Variants in ISL1 observed in about 807,000 individuals in gnomAD.
ISL1 encodes ISL LIM homeobox 1.
A neutral mutation model predicts 35.3 loss-of-function variants in ISL1; 4 were observed. The ratio of observed to expected loss-of-function variants is 0.11; its 90% CI spans 0.06 to 0.26. ISL1 has a LOEUF of 0.26. ISL1 is among the 10% of genes least tolerant of loss of function. ISL1 has a pLI of 1.00. For missense variants in ISL1, 340 were observed against 472.8 expected (o/e 0.72, Z 2.60); for synonymous variants, 186 against 172.3 (o/e 1.08, Z -0.62).
chr5:51,387,865 T>C lies in ISL1; in HGVS notation c.478+116T>C. 1 of 1,350,110 alleles carries C rather than the reference T, an allele frequency of 7.4e-7. No individual in the cohort carries two copies. Among genetic ancestry groups the C allele is most frequent in the African/African-American group, 1.4e-5 (1 of 69,642 alleles). 83.6% of individuals were successfully genotyped at this position (1,350,110 alleles called of 1,614,324 possible). On this transcript the variant is annotated intron_variant, in intron 3 of 5. Coordinates refer to ENST00000230658, the MANE Select transcript of ISL1 (RefSeq NM_002202.3). This position sits in a 1 kb window ranked among gnomAD's most constrained non-coding sequence, Gnocchi z 4.3. ...GTCGTAGTGTTTGCCTGCAGTTAAA[T>C]GAAGTGTTCTGTATGCAATTTGCGC...
At chr5:51,386,402 G>C in intron 2 of ISL1, 1 of 366,110 alleles carries the variant, frequency 2.7e-6, no homozygotes, top group South Asian at 2.1e-5. Flanking sequence ...GTGTGTGTGT[G>C]TGTGTGTGTG....
chr5:51,390,040 C>G, intron 4 of ISL1, 108 bp downstream of exon 4: 3 of 1,332,794 alleles, frequency 2.3e-6, no homozygotes, highest in Non-Finnish European at 3.1e-6. Context: ...TGCTCCTGGG[C>G]AGGAGTTTGG....
rs1449638070 is a variant in ISL1, at chr5:51,391,373, C to T, written c.865C>T (p.Pro289Ser). The change falls in exon 5 of 6, where the codon CCA becomes TCA. Residue 289 changes from proline to serine, a missense_variant. Pro to Ser is a moderately conservative substitution (Grantham distance 74). Around this residue, in one of 7 missense-constraint regions of ISL1, gnomAD observed 104 missense variants for 97.3 expected, o/e 1.07. Transcript: ENST00000230658. ...ANPVEVQSYQPPWKVLSDFAL... is the reference protein window; with the variant it reads ...ANPVEVQSYQSPWKVLSDFAL... ...CCCAGTGGAAGTACAAAGTTACCAG[C>T]CACCTTGGAAAGTACTGAGCGACTT... 9 of 1,614,076 alleles carry T rather than the reference C, an allele frequency of 5.6e-6. No individual in the cohort carries two copies. The highest frequency in any genetic ancestry group is 2.7e-5 in the African/African-American group (2 of 74,926).
chr5:51,384,018 C>T (rs1747277293), intron 1 of ISL1, among the ~76,000 whole-genome samples: 1 of 152,144 alleles, frequency 6.6e-6, no homozygotes, highest in Non-Finnish European at 1.5e-5. Flanking sequence ...TCTGCCTGCA[C>T]AGTCAATGCC....
At chr5:51,390,022 T>G (rs1747451898) in intron 4 of ISL1, 90 bp downstream of exon 4, 1 of 1,436,868 alleles carries the variant, frequency 7.0e-7, no homozygotes, top group Non-Finnish European at 9.5e-7. Context: ...TCGCACGGTT[T>G]TCAATCCTGC....
intron 5 of ISL1, among the ~76,000 whole-genome samples, chr5:51,392,386 C>T (rs1162407135): frequency 6.6e-6 from 1 of 152,048 alleles, no homozygotes; most frequent in African/African-American, 2.4e-5. Context: ...AACCTTGTTC[C>T]CTTTTTTGGA....
chr5:51,391,570 G>T (rs1747515981), intron 5 of ISL1, 129 bp downstream of exon 5: 1 of 1,029,574 alleles, frequency 9.7e-7, no homozygotes, highest in Admixed American at 1.9e-5. Context: ...AACCAAGGAG[G>T]TGGGTAATGA....
In ISL1 at chr5:51,391,349, C is replaced by T. The variant is rs1328570405; in HGVS notation, c.841C>T (p.Pro281Ser). The change falls in exon 5 of 6, where the codon CCA (proline) becomes TCA (serine). Residue 281 changes from proline to serine, a missense_variant. Transcript: ENST00000230658. ...ERHDGGLQAN[P>S]VEVQSYQPPW... The stretch of plus-strand genomic sequence containing the variant: ...ACACGACGGTGGCTTACAGGCTAAC[C>T]CAGTGGAAGTACAAAGTTACCAGCC... 1 of 1,614,072 alleles carries T rather than the reference C, an allele frequency of 6.2e-7. No homozygotes were observed. Among genetic ancestry groups the T allele is most frequent in the Non-Finnish European group, 8.5e-7 (1 of 1,180,022 alleles).
At chr5:51,390,090 C>T (rs1300972380) in intron 4 of ISL1, among the ~76,000 whole-genome samples, 158 bp downstream of exon 4, 1 of 152,048 alleles carries the variant, frequency 6.6e-6, no homozygotes, top group East Asian at 1.9e-4. Context: ...ACCCATGCCC[C>T]GGGGGACAGG....
Position 51,391,286 on chromosome 5 carries a change from A to T in ISL1, c.778A>T (p.Met260Leu), listed in dbSNP as rs371499581. The stretch of plus-strand genomic sequence containing the variant: ...GGCCTATTCACAGAATATCCAGGGG[A>T]TGACAGGAACTCCCATGGTGGCTGC... ...QPNDKTNIQG[M>L]TGTPMVAASP... The change falls in exon 5 of 6, where the codon ATG becomes TTG. Residue 260 changes from methionine to leucine, a missense_variant. Physicochemically the swap from Met to Leu is conservative, Grantham distance 15 (BLOSUM62 2). Transcript: ENST00000230658. 6.2e-7 allele frequency: 1 copy of T among 1,612,474 alleles called. No individual in the cohort carries two copies. The highest frequency in any genetic ancestry group is 1.3e-5 in the African/African-American group (1 of 74,860).
chr5:51,384,556 C>T lies in ISL1; in HGVS notation c.44C>T (p.Ser15Phe), dbSNP rs759969078. 1 of 1,613,946 alleles carries T rather than the reference C, an allele frequency of 6.2e-7. No homozygotes were observed. The highest frequency in any genetic ancestry group is 8.5e-7 in the Non-Finnish European group (1 of 1,179,998). Residue 15 changes from serine (S) to phenylalanine (F), a missense_variant, in exon 2 of 6, where the codon TCC becomes TTC. Ser to Phe is a radical substitution (Grantham distance 155). Transcript: ENST00000230658. ...TTCATTTCAGAAAAACGTCTGATTT[C>T]CCTATGTGTTGGTTGCGGCAATCAG... ...GDPPKKKRLI[S>F]LCVGCGNQIH...
At chr5:51,391,957 G>T (rs1747526206) in intron 5 of ISL1, among the ~76,000 whole-genome samples, 1 of 152,110 alleles carries the variant, frequency 6.6e-6, no homozygotes. Context: ...GCATGTGTCT[G>T]GGTACAATTT....
At position 51,383,495 on chromosome 5, in the gene ISL1, T is replaced by G; in HGVS notation, c.-177T>G. On this transcript the variant is annotated 5_prime_UTR_variant, in exon 1 of 6. Coordinates refer to ENST00000230658, the MANE Select transcript of ISL1 (RefSeq NM_002202.3). Reference sequence around the variant, plus strand: ...CTCCGCTCCGCCAACTCCGCCGGCTTAAATTGGACTCCTAGATCCGCGAGG... The same window carrying G: ...CTCCGCTCCGCCAACTCCGCCGGCTGAAATTGGACTCCTAGATCCGCGAGG... 1.5e-6 allele frequency: 1 copy of G among 658,544 alleles called. No individual in the cohort carries two copies. Among genetic ancestry groups the G allele is most frequent in the Non-Finnish European group, 2.7e-6 (1 of 364,070 alleles). The allele number at this position is 658,544 out of a possible 1,614,324, so 40.8% of individuals were successfully genotyped here.
rs954666408 is a variant in ISL1, at chr5:51,389,293, C to T, written c.479-353C>T. Among the ~76,000 whole-genome samples, 4 of 152,114 alleles carry T rather than the reference C, an allele frequency of 2.6e-5. No homozygotes were observed. The highest frequency in any genetic ancestry group is 9.7e-5 in the African/African-American group (4 of 41,414). ...GGAGAAACAGTGCTGAAAAATGCCA[C>T]CCCTGCTGTGAACAGGGGGACAGAC... is the stretch of plus-strand genomic sequence containing the variant. On this transcript the variant is annotated intron_variant, in intron 3 of 5. Transcript: ENST00000230658. This position sits in a 1 kb window ranked among gnomAD's most constrained non-coding sequence, Gnocchi z 5.0.
Position 51,387,757 on chromosome 5 carries a change from T to C in ISL1, c.478+8T>C, listed in dbSNP as rs1333897552. The C allele has an allele frequency of 6.2e-7, 1 of 1,613,834 alleles. No individual in the cohort carries two copies. The highest frequency in any genetic ancestry group is 2.2e-5 in the East Asian group (1 of 44,872). ...GGCCACTGCAAATGGCAGGTACTCC[T>C]CTGCCCGGCTCGGGTAGGCAGGCGC... On this transcript the variant is annotated splice_region_variant and intron_variant, in intron 3 of 5. Transcript: ENST00000230658. The surrounding 1 kb of genome is among the most constrained non-coding windows in gnomAD (Gnocchi z 4.3).
At chr5:51,390,938 C>T (rs1747499408) in intron 4 of ISL1, among the ~76,000 whole-genome samples, 3 of 151,706 alleles carry the variant, frequency 2.0e-5, no homozygotes, top group Admixed American at 2.0e-4. Flanking sequence ...CTGCTTACCT[C>T]AGCTTTTTAG....
intron 4 of ISL1, 81 bp downstream of exon 4, chr5:51,390,013 C>G: frequency 6.7e-7 from 1 of 1,499,246 alleles, no homozygotes; most frequent in South Asian, 1.2e-5. Flanking sequence ...TACGCAGGAT[C>G]GCACGGTTTT....
intron 3 of ISL1, among the ~76,000 whole-genome samples, chr5:51,388,144 C>T (rs977602687): frequency 6.6e-6 from 1 of 152,256 alleles, no homozygotes; most frequent in African/African-American, 2.4e-5. Context: ...CCCCGGGTCC[C>T]TGGAGCTTCA....
Position 51,387,713 on chromosome 5 carries a change from A to G in ISL1, c.442A>G (p.Ser148Gly), listed in dbSNP as rs1214263371. The G allele has an allele frequency of 1.4e-5, 23 of 1,614,070 alleles. No homozygotes were observed. The highest frequency in any genetic ancestry group is 1.9e-5 in the Non-Finnish European group (22 of 1,180,044). ...RASLGAGDPL[S>G]PLHPARPLQM... The stretch of plus-strand genomic sequence containing the variant: ...CAGTCTAGGCGCTGGCGACCCGCTC[A>G]GTCCCCTGCATCCAGCGCGGCCACT... Residue 148 changes from serine (S) to glycine (G), a missense_variant, in exon 3 of 6, where the codon AGT becomes GGT. By Grantham distance (56) the Ser-to-Gly change is moderately conservative. Coordinates refer to ENST00000230658, the MANE Select transcript of ISL1 (RefSeq NM_002202.3). This position sits in a 1 kb window ranked among gnomAD's most constrained non-coding sequence, Gnocchi z 4.3.
Sources: allele counts gnomAD v4.1 joint callset (sites outside exome capture counted in the v4.1 genomes callset), GRCh38; gene constraint gnomAD v4.1.1; regional missense constraint gnomAD v4.1.1; non-coding constraint Gnocchi (gnomAD v3.1); transcripts MANE v1.5; gene names NCBI Gene and HGNC (gene_info 2026-07-23, HGNC 2026-07-21).